ABLIM1: variants seen among roughly 807,000 people sequenced by gnomAD.
ABLIM1 encodes the protein actin binding LIM protein 1.
A neutral mutation model predicts 107.0 loss-of-function variants in ABLIM1; 40 were observed. That is an observed-to-expected ratio of 0.37 (90% CI 0.29 to 0.49). The LOEUF (loss-of-function observed/expected upper bound fraction) is 0.49, where lower values mean the gene tolerates loss of function less well. ABLIM1 is among the 20% of genes least tolerant of loss of function. ABLIM1 has a pLI of 0.97. For missense variants in ABLIM1, 857 were observed against 1,008.5 expected (o/e 0.85, Z 2.04); for synonymous variants, 357 against 357.3 (o/e 1.00, Z 0.01).
upstream of ABLIM1, chr10:114,658,347 G>C: frequency 7.0e-7 from 1 of 1,427,514 alleles, no homozygotes; most frequent in African/African-American, 1.4e-5. Context: ...GTATTTAAGT[G>C]ATTACCCTCA....
At chr10:114,623,487 T>C (rs774733585) in intron 1 of ABLIM1, among the ~76,000 whole-genome samples, 2 of 152,206 alleles carry the variant, frequency 1.3e-5, no homozygotes, top group Non-Finnish European at 2.9e-5. Context: ...CTGTGCATGG[T>C]GAGCCAGATG....
intron 1 of ABLIM1, among the ~76,000 whole-genome samples, chr10:114,712,142 C>A (rs2081562924): frequency 6.6e-6 from 1 of 151,972 alleles, no homozygotes. Context: ...CATTTGAGGT[C>A]TGGAGTTCAA....
At chr10:114,494,031 G>A (rs1225120344) in intron 6 of ABLIM1, among the ~76,000 whole-genome samples, 1 of 152,126 alleles carries the variant, frequency 6.6e-6, no homozygotes, top group Non-Finnish European at 1.5e-5. Context: ...AATAATTAAA[G>A]TACTTTAGTA....
At chr10:114,579,900 A>G (rs1442499285) in intron 2 of ABLIM1, among the ~76,000 whole-genome samples, 3 of 152,230 alleles carry the variant, frequency 2.0e-5, no homozygotes, top group African/African-American at 7.2e-5. Flanking sequence ...AAAGGGAAGA[A>G]GGCATGTTCT....
At chr10:114,550,648 G>T (rs181806384) in intron 4 of ABLIM1, among the ~76,000 whole-genome samples, 2 of 152,170 alleles carry the variant, frequency 1.3e-5, no homozygotes, top group African/African-American at 4.8e-5. Flanking sequence ...ACATGTACCC[G>T]CTCTTATAGT....
At chr10:114,727,977 T>A (rs1179020362) in intron 1 of ABLIM1, among the ~76,000 whole-genome samples, 4 of 151,982 alleles carry the variant, frequency 2.6e-5, no homozygotes, top group African/African-American at 9.7e-5. Flanking sequence ...AAAAACAAAC[T>A]GGGAGATGTG....
chr10:114,688,844 T>C (rs17092299), upstream of ABLIM1, among the ~76,000 whole-genome samples: 3,290 of 152,214 alleles, frequency 0.022, 39 homozygotes, highest in Middle Eastern at 0.054. Flanking sequence ...GAAGTAATGG[T>C]AGGGTGATAT....
chr10:114,445,911 A>G (rs1362153317), intron 15 of ABLIM1, among the ~76,000 whole-genome samples: 1 of 152,156 alleles, frequency 6.6e-6, no homozygotes, highest in Non-Finnish European at 1.5e-5. Context: ...CTGCGACCAC[A>G]GGTGTATGCC....
At chr10:114,784,937 G>T in the ABLIM1 span, among the ~76,000 whole-genome samples, 1 of 152,010 alleles carries the variant, frequency 6.6e-6, no homozygotes, top group South Asian at 2.1e-4. Context: ...ACCCTTTTCT[G>T]TGTTTTCTAA....
At chr10:114,710,806 C>A (rs2081532206) in intron 1 of ABLIM1, among the ~76,000 whole-genome samples, 1 of 152,106 alleles carries the variant, frequency 6.6e-6, no homozygotes, top group African/African-American at 2.4e-5. Flanking sequence ...TAAAATAAAG[C>A]AATCTTCACA....
chr10:114,768,434 T>G (rs73357619), upstream of ABLIM1, among the ~76,000 whole-genome samples: 10,088 of 151,772 alleles, frequency 0.066, 1,114 homozygotes, highest in African/African-American at 0.23. Context: ...TCCCCGCCCG[T>G]CTTCTTAATA....
chr10:114,513,154 T>C (rs2062190473), intron 6 of ABLIM1, among the ~76,000 whole-genome samples: 1 of 152,142 alleles, frequency 6.6e-6, no homozygotes, highest in Non-Finnish European at 1.5e-5. Context: ...AAAGTTACTT[T>C]TCTGTGTAAT....
At chr10:114,681,084 C>T (rs2080727800) in intron 1 of ABLIM1, among the ~76,000 whole-genome samples, 1 of 152,164 alleles carries the variant, frequency 6.6e-6, no homozygotes, top group Non-Finnish European at 1.5e-5. Flanking sequence ...AGTGAAGTGG[C>T]TGATTAATCC....
At chr10:114,490,858 G>A (rs7079285) in intron 7 of ABLIM1, among the ~76,000 whole-genome samples, 2,153 of 148,754 alleles carry the variant, frequency 0.014, 45 homozygotes, top group African/African-American at 0.05. Context: ...TGTGGAGAAC[G>A]GGGTCTCGCT....
intron 1 of ABLIM1, among the ~76,000 whole-genome samples, chr10:114,702,098 A>G (rs1279189555): frequency 1.3e-5 from 2 of 152,250 alleles, no homozygotes; most frequent in Admixed American, 6.5e-5. Context: ...CAAGATGTTT[A>G]GAATTCTAAT....
intron 1 of ABLIM1, among the ~76,000 whole-genome samples, chr10:114,736,162 GC>G (rs1281476452): frequency 6.6e-6 from 1 of 152,038 alleles, no homozygotes; most frequent in Non-Finnish European, 1.5e-5. Flanking sequence ...ACCTTAAAGT[GC>G]CCCCCAGGAA....
chr10:114,443,357 G>C (rs978992015), intron 17 of ABLIM1, among the ~76,000 whole-genome samples: 27 of 150,644 alleles, frequency 1.8e-4, no homozygotes, highest in African/African-American at 5.8e-4. Context: ...TTGTCGCCCA[G>C]GCTGGAGTGC....
At chr10:114,773,840 CA>C in the ABLIM1 span, among the ~76,000 whole-genome samples, 1 of 150,486 alleles carries the variant, frequency 6.6e-6, no homozygotes. Flanking sequence ...ATTTCTGTAT[CA>C]TTTATATATA....
At chr10:114,705,611 C>CAAT (rs1488439392) in intron 1 of ABLIM1, among the ~76,000 whole-genome samples, 1 of 152,146 alleles carries the variant, frequency 6.6e-6, no homozygotes, top group Non-Finnish European at 1.5e-5. Context: ...AGAAGTCATT[C>CAAT]ATTCAACAAA....
Sources: allele counts gnomAD v4.1 joint callset (sites outside exome capture counted in the v4.1 genomes callset), GRCh38; gene constraint gnomAD v4.1.1; transcripts MANE v1.5; gene names NCBI Gene and HGNC (gene_info 2026-07-23, HGNC 2026-07-21).